LRRC4C: variants seen among roughly 807,000 people sequenced by gnomAD.
LRRC4C encodes leucine rich repeat containing 4C, also known as leucine-rich repeat-containing protein 4C.
In LRRC4C, 5 loss-of-function variants were observed where a neutral mutation model predicts 33.6. The ratio of observed to expected loss-of-function variants is 0.15; its 90% CI spans 0.08 to 0.31. The LOEUF (loss-of-function observed/expected upper bound fraction) is 0.31. LRRC4C is among the 10% of genes least tolerant of loss of function. LRRC4C has a pLI of 1.00. For missense variants in LRRC4C, 560 were observed against 796.7 expected, an observed-to-expected ratio of 0.70 and a Z score of 3.58; for synonymous variants, 329 against 302.0, an observed-to-expected ratio of 1.09 and a Z score of -0.93.
chr11:41,246,774 G>A (rs1948468724), intron 1 of LRRC4C, among the ~76,000 whole-genome samples: 1 of 152,184 alleles, frequency 6.6e-6, no homozygotes, highest in Non-Finnish European at 1.5e-5. Flanking sequence ...AAAGGAAGCT[G>A]AGAGGGTTTA....
At chr11:40,585,425 G>A (rs1358439514) in intron 3 of LRRC4C, among the ~76,000 whole-genome samples, 1 of 151,348 alleles carries the variant, frequency 6.6e-6, no homozygotes, top group African/African-American at 2.4e-5. Context: ...CATGTACATG[G>A]ACTTAAAAAA....
intron 3 of LRRC4C, among the ~76,000 whole-genome samples, chr11:40,599,250 A>G (rs1959712031): frequency 6.6e-6 from 1 of 151,848 alleles, no homozygotes; most frequent in Non-Finnish European, 1.5e-5. Context: ...AGAGTTTGAG[A>G]CCAGCCCAGG....
chr11:40,856,121 A>C (rs1436719926), intron 2 of LRRC4C, among the ~76,000 whole-genome samples: 1 of 152,146 alleles, frequency 6.6e-6, no homozygotes, highest in African/African-American at 2.4e-5. Flanking sequence ...TCTGGGAGCC[A>C]TCCATTACTG....
intron 2 of LRRC4C, among the ~76,000 whole-genome samples, chr11:40,854,205 G>T (rs1180119465): frequency 6.6e-6 from 1 of 152,022 alleles, no homozygotes; most frequent in East Asian, 1.9e-4. Flanking sequence ...CTCCCACCAT[G>T]GTTTAACCTC....
intron 3 of LRRC4C, among the ~76,000 whole-genome samples, chr11:40,479,789 A>G (rs962130335): frequency 7.9e-5 from 12 of 152,124 alleles, no homozygotes; most frequent in African/African-American, 2.4e-4. Context: ...GAGTGAGGTA[A>G]GAGGTAACCA....
chr11:40,281,023 T>A (rs539406786), intron 4 of LRRC4C, among the ~76,000 whole-genome samples: 1 of 151,932 alleles, frequency 6.6e-6, no homozygotes, highest in African/African-American at 2.4e-5. Flanking sequence ...AGAAAAGGGA[T>A]GGGGAGGACT....
intron 3 of LRRC4C, among the ~76,000 whole-genome samples, chr11:40,523,532 T>A (rs924174447): frequency 8.7e-5 from 13 of 149,506 alleles, no homozygotes; most frequent in Non-Finnish European, 1.9e-4. Flanking sequence ...GTTATATACA[T>A]AAATATTATA....
intron 3 of LRRC4C, among the ~76,000 whole-genome samples, chr11:40,582,809 G>A (rs61888374): frequency 0.13 from 20,301 of 150,704 alleles, 1,468 homozygotes; most frequent in Middle Eastern, 0.2. Context: ...GAGCCCCCAC[G>A]CCCAGCCTGT....
At chr11:40,905,513 T>C (rs1293697776) in intron 2 of LRRC4C, among the ~76,000 whole-genome samples, 3 of 152,172 alleles carry the variant, frequency 2.0e-5, no homozygotes, top group East Asian at 1.9e-4. Context: ...ACCCCAGGGA[T>C]TGAGGCAACA....
chr11:40,325,900 C>A (rs1946076556), intron 3 of LRRC4C, among the ~76,000 whole-genome samples: 1 of 151,764 alleles, frequency 6.6e-6, no homozygotes, highest in South Asian at 2.1e-4. Context: ...TAGATTAAGA[C>A]CATTTAAGAA....
At chr11:40,550,505 C>A (rs1013369680) in intron 3 of LRRC4C, among the ~76,000 whole-genome samples, 1 of 152,120 alleles carries the variant, frequency 6.6e-6, no homozygotes, top group African/African-American at 2.4e-5. Context: ...TCTTTAATGG[C>A]CTGACAGCCT....
At chr11:41,326,108 G>A (rs1951109549) in intron 1 of LRRC4C, among the ~76,000 whole-genome samples, 1 of 151,060 alleles carries the variant, frequency 6.6e-6, no homozygotes, top group African/African-American at 2.5e-5. Context: ...GGGAGAGGCA[G>A]ACCCACCTCA....
chr11:40,237,082 C>G (rs561286502), intron 5 of LRRC4C, among the ~76,000 whole-genome samples: 31 of 152,276 alleles, frequency 2.0e-4, no homozygotes, highest in African/African-American at 7.5e-4. Context: ...TATCAACCTA[C>G]TAAATAGCTC....
chr11:41,053,196 A>T (rs1181952732), intron 1 of LRRC4C, among the ~76,000 whole-genome samples: 1 of 152,182 alleles, frequency 6.6e-6, no homozygotes, highest in African/African-American at 2.4e-5. Context: ...TCTAAACAAT[A>T]TATTATGGTA....
At chr11:40,274,966 G>A (rs1942994481) in intron 4 of LRRC4C, among the ~76,000 whole-genome samples, 1 of 152,120 alleles carries the variant, frequency 6.6e-6, no homozygotes, top group African/African-American at 2.4e-5. Context: ...TTATGGCAGT[G>A]TCCTAGACTA....
At chr11:41,261,653 T>A (rs1948985241) in intron 1 of LRRC4C, among the ~76,000 whole-genome samples, 1 of 152,118 alleles carries the variant, frequency 6.6e-6, no homozygotes, top group Non-Finnish European at 1.5e-5. Context: ...CTGGGGCTTG[T>A]AGGGGGCTAT....
chr11:40,696,281 C>CATATATATATATATATATATATAT (rs753906826), intron 2 of LRRC4C, among the ~76,000 whole-genome samples: 5 of 92,850 alleles, frequency 5.4e-5, no homozygotes, highest in African/African-American at 3.0e-4. Context: ...CACAATGCCA[C>CATATATATATATATATATATATAT]ATATATATAT....
At chr11:41,200,670 G>A (rs1946367751) in intron 1 of LRRC4C, among the ~76,000 whole-genome samples, 1 of 151,966 alleles carries the variant, frequency 6.6e-6, no homozygotes, top group Non-Finnish European at 1.5e-5. Flanking sequence ...AAACCACTGT[G>A]TTTTCTCTAC....
At chr11:40,945,023 C>CTTTTTTT (rs767515626) in intron 1 of LRRC4C, among the ~76,000 whole-genome samples, 29 of 111,078 alleles carry the variant, frequency 2.6e-4, no homozygotes, top group Non-Finnish European at 3.7e-4. Context: ...TGCAGTTTTT[C>CTTTTTTT]TTTTTTTTTT....
Sources: gnomAD v4.1 joint callset for allele counts (sites outside exome capture counted in the v4.1 genomes callset) on GRCh38, gnomAD v4.1.1 for gene constraint, MANE v1.5 for transcripts, NCBI Gene and HGNC (gene_info 2026-07-23, HGNC 2026-07-21) for gene names.